Variants in KIF1B observed in about 807,000 individuals in gnomAD.
The protein encoded by KIF1B is kinesin-like protein KIF1B.
In KIF1B, 76 loss-of-function variants were observed where a neutral mutation model predicts 241.9. That is an observed-to-expected ratio of 0.31 (90% CI 0.26 to 0.38). The LOEUF is 0.38. KIF1B is among the 10% of genes least tolerant of loss of function. The probability of loss-of-function intolerance (pLI) is 1.00; values close to 1 mark genes in which losing one functional copy is unlikely to be tolerated. For synonymous variants in KIF1B, 750 were observed against 796.7 expected (o/e 0.94, Z 0.99); for missense variants, 1,622 against 2,271.4 (o/e 0.71, Z 5.81).
At chr1:10,294,394 A>G (rs1304565629) in intron 17 of KIF1B, among the ~76,000 whole-genome samples, 1 of 151,822 alleles carries the variant, frequency 6.6e-6, no homozygotes, top group Non-Finnish European at 1.5e-5. Flanking sequence ...TAAAAATTAT[A>G]GTGGGAAGTG....
chr1:10,267,656 G>T, intron 6 of KIF1B, 98 bp downstream of exon 6: 1 of 1,197,746 alleles, frequency 8.3e-7, no homozygotes, highest in Non-Finnish European at 1.2e-6. Context: ...AGCTATGAAA[G>T]TTGCTTTAAT....
intron 15 of KIF1B, among the ~76,000 whole-genome samples, chr1:10,288,770 A>G (rs988254965): frequency 6.6e-6 from 1 of 151,160 alleles, no homozygotes; most frequent in African/African-American, 2.4e-5. Context: ...CTCATATACT[A>G]CTTTGCTTTT....
At chr1:10,376,243 G>A (rs1020395538) in intron 48 of KIF1B, among the ~76,000 whole-genome samples, 2 of 152,182 alleles carry the variant, frequency 1.3e-5, no homozygotes, top group Non-Finnish European at 2.9e-5. Context: ...GGTCACACAT[G>A]TGCACCAATT....
In KIF1B at chr1:10,365,730, T is replaced by G. The variant is rs535578664; in HGVS notation, c.4752+82T>G. On this transcript the variant is annotated intron_variant, in intron 43 of 48. Transcript: ENST00000676179. The surrounding 1 kb of genome is among the most constrained non-coding windows in gnomAD (Gnocchi z 4.0). ...TCTCGGTTTATTCATTTTCAACACC[T>G]TTGTTCGAGGTGTTTGAAGGCCTGT... The G allele has an allele frequency of 6.3e-7, 1 of 1,582,826 alleles. No individual in the cohort carries two copies. Among genetic ancestry groups the G allele is most frequent in the Admixed American group, 1.7e-5 (1 of 59,874 alleles).
chr1:10,370,572 A>AAAT (rs34836490), intron 44 of KIF1B, among the ~76,000 whole-genome samples: 3,946 of 144,914 alleles, frequency 0.027, 87 homozygotes, highest in Non-Finnish European at 0.042. Flanking sequence ...TCGAAAAAGA[A>AAAT]AATAATAATA....
intron 2 of KIF1B, among the ~76,000 whole-genome samples, chr1:10,247,848 T>C (rs1647252282): frequency 6.6e-6 from 1 of 152,086 alleles, no homozygotes; most frequent in African/African-American, 2.4e-5. Context: ...GGGGTGGAAG[T>C]GTATGGTTTC....
At chr1:10,260,486 CTTAG>C (rs1648068085) in intron 4 of KIF1B, among the ~76,000 whole-genome samples, 1 of 152,086 alleles carries the variant, frequency 6.6e-6, no homozygotes, top group African/African-American at 2.4e-5. Context: ...AATAATTAAC[CTTAG>C]TTAAATTACT....
intron 1 of KIF1B, among the ~76,000 whole-genome samples, chr1:10,222,421 G>A (rs1646857428): frequency 6.6e-6 from 1 of 152,184 alleles, no homozygotes; most frequent in South Asian, 2.1e-4. Flanking sequence ...ATGCTCTGAG[G>A]CTGTGGCAAC....
In KIF1B at chr1:10,250,461, C is replaced by T. The variant is rs568343431; in HGVS notation, c.107-5786C>T. Among the ~76,000 whole-genome samples, 44 of 151,970 alleles carry T rather than the reference C, an allele frequency of 2.9e-4. No individual in the cohort carries two copies. The South Asian group carries it at 8.9e-3, about 31-fold the overall frequency. The stretch of plus-strand genomic sequence containing the variant: ...TCAAGCAGATCTCTTGCCTCAGCCT[C>T]CCAAGTAGCTGGGGTTACAGGTGCC... On this transcript the variant is annotated intron_variant, in intron 2 of 48. Coordinates refer to ENST00000676179, the MANE Select transcript of KIF1B (RefSeq NM_001365951.3).
At position 10,292,065 on chromosome 1, in the gene KIF1B, G is replaced by A. The variant is rs764996552; in HGVS notation, c.1533G>A (p.Glu511=). 9.9e-6 allele frequency: 16 copies of A among 1,614,022 alleles called. No individual in the cohort carries two copies. In the South Asian group the frequency reaches 1.8e-4, roughly 18 times the overall value. Residue 511 remains glutamate, a synonymous_variant, in exon 17 of 49, where the codon GAG becomes GAA. Transcript: ENST00000676179. ...TTCCTAGAGAGGCTTTGTTGGCTGA[G>A]ATGGGAGTTGCCATTCGGGAAGATG... ...IRMEREALLA[E]MGVAIREDGG...
chr1:10,333,419 C>T (rs974143240), intron 27 of KIF1B, among the ~76,000 whole-genome samples: 8 of 151,958 alleles, frequency 5.3e-5, no homozygotes, highest in Non-Finnish European at 1.2e-4. Flanking sequence ...AGGCCAGGCG[C>T]GGTGGCTCAC....
At chr1:10,248,573 C>T (rs946503) in intron 2 of KIF1B, among the ~76,000 whole-genome samples, 1 of 151,962 alleles carries the variant, frequency 6.6e-6, no homozygotes, top group African/African-American at 2.4e-5. Context: ...TGGGACTCAT[C>T]GATTTCTGAT....
chr1:10,327,711 A>G (rs578256275), intron 27 of KIF1B, among the ~76,000 whole-genome samples: 25 of 152,272 alleles, frequency 1.6e-4, no homozygotes, highest in African/African-American at 5.8e-4. Context: ...TTACAAGTTC[A>G]ACAGTAGAGC....
chr1:10,291,269 T>A, intron 16 of KIF1B, 108 bp downstream of exon 16: 1 of 852,808 alleles, frequency 1.2e-6, no homozygotes. Flanking sequence ...TCTGCCCTTC[T>A]AAAACACAAA....
intron 36 of KIF1B, among the ~76,000 whole-genome samples, 164 bp downstream of exon 36, chr1:10,347,991 T>C (rs562802230): frequency 2.2e-4 from 33 of 152,152 alleles, no homozygotes; most frequent in Non-Finnish European, 4.4e-4. Context: ...TCTGTAGATA[T>C]TTCTTCCTCA....
At chr1:10,250,056 C>T (rs1647352124) in intron 2 of KIF1B, among the ~76,000 whole-genome samples, 1 of 152,184 alleles carries the variant, frequency 6.6e-6, no homozygotes, top group East Asian at 1.9e-4. Flanking sequence ...GATGATCCTC[C>T]CACCTTGGCC....
rs952671922 is a variant in KIF1B, at chr1:10,341,013, A to G, written c.3514-1037A>G. ...ATGCCATCTTCTTTTTCATGTTGGT[A>G]TAAATATAAGCAAGCATGTATCTGA... On this transcript the variant is annotated intron_variant, in intron 32 of 48. Transcript: ENST00000676179. Among the ~76,000 whole-genome samples, 6 of 152,368 alleles carry G rather than the reference A, an allele frequency of 3.9e-5. No individual in the cohort carries two copies. In the South Asian group the frequency reaches 6.2e-4, roughly 16 times the overall value.
chr1:10,255,495 C>T (rs1488289400), intron 2 of KIF1B, among the ~76,000 whole-genome samples: 2 of 151,998 alleles, frequency 1.3e-5, no homozygotes, highest in Non-Finnish European at 2.9e-5. Flanking sequence ...GAGGCTGAGG[C>T]GGGAGAATTT....
At chr1:10,343,825 C>A (rs942159973) in intron 34 of KIF1B, among the ~76,000 whole-genome samples, 7 of 151,954 alleles carry the variant, frequency 4.6e-5, no homozygotes, top group Admixed American at 2.0e-4. Context: ...CAATAGGGGG[C>A]CTTATCTACA....
Sources: allele counts gnomAD v4.1 joint callset (sites outside exome capture counted in the v4.1 genomes callset), GRCh38; gene constraint gnomAD v4.1.1; non-coding constraint Gnocchi (gnomAD v3.1); transcripts MANE v1.5; gene names NCBI Gene and HGNC (gene_info 2026-07-23, HGNC 2026-07-21).